ERC2: variants seen among roughly 807,000 people sequenced by gnomAD.
ERC2 encodes the protein ELKS/RAB6-interacting/CAST family member 2, also known as ERC protein 2.
A neutral mutation model predicts 114.8 loss-of-function variants in ERC2; 42 were observed. That is an observed-to-expected ratio of 0.37 (90% CI 0.29 to 0.47). The LOEUF is 0.47. Among genes scored for constraint, ERC2 ranks in the 20% least tolerant of loss-of-function variants. The pLI, the probability that ERC2 is intolerant of heterozygous loss-of-function variation, is 0.99. For missense variants in ERC2, 939 were observed against 1,150.7 expected, an observed-to-expected ratio of 0.82 and a Z score of 2.66; for synonymous variants, 454 against 425.5, an observed-to-expected ratio of 1.07 and a Z score of -0.82.
intron 6 of ERC2, among the ~76,000 whole-genome samples, chr3:56,138,160 T>C (rs754206945): frequency 9.4e-5 from 14 of 148,748 alleles, no homozygotes; most frequent in Non-Finnish European, 1.8e-4. Context: ...CCTGGGTTCA[T>C]GCCATTCTCC....
At chr3:55,543,404 T>C (rs991824907) in intron 17 of ERC2, among the ~76,000 whole-genome samples, 2 of 152,104 alleles carry the variant, frequency 1.3e-5, no homozygotes, top group African/African-American at 4.8e-5. Flanking sequence ...AAAGGAAGGC[T>C]CCCACGTGGG....
intron 6 of ERC2, among the ~76,000 whole-genome samples, chr3:56,083,510 C>T (rs1345215536): frequency 2.6e-5 from 4 of 152,064 alleles, no homozygotes; most frequent in African/African-American, 9.7e-5. Flanking sequence ...ACTCATTGAA[C>T]TGTACATTTT....
chr3:55,670,401 T>C (rs2061511714), intron 17 of ERC2, among the ~76,000 whole-genome samples: 1 of 152,200 alleles, frequency 6.6e-6, no homozygotes, highest in South Asian at 2.1e-4. Flanking sequence ...TTGTTGGCTG[T>C]CTTCACGATT....
intron 13 of ERC2, among the ~76,000 whole-genome samples, chr3:55,949,225 C>T (rs750767638): frequency 1.3e-5 from 2 of 152,016 alleles, no homozygotes; most frequent in African/African-American, 2.4e-5. Context: ...AAAAAAATAG[C>T]GGGGCATGGT....
At chr3:56,011,718 T>C (rs1354821879) in intron 8 of ERC2, among the ~76,000 whole-genome samples, 1 of 152,130 alleles carries the variant, frequency 6.6e-6, no homozygotes, top group Non-Finnish European at 1.5e-5. Context: ...ATATCTAAAC[T>C]TCCTCTCGGA....
chr3:55,624,453 A>C (rs1206481782), intron 17 of ERC2, among the ~76,000 whole-genome samples: 1 of 152,132 alleles, frequency 6.6e-6, no homozygotes, highest in Non-Finnish European at 1.5e-5. Context: ...ATGGGATGGG[A>C]AAGTTCTGAG....
chr3:55,805,724 T>C (rs1323929451), intron 14 of ERC2, among the ~76,000 whole-genome samples: 1 of 152,124 alleles, frequency 6.6e-6, no homozygotes, highest in Non-Finnish European at 1.5e-5. Flanking sequence ...ATTCTAGATT[T>C]GGAAAACCCT....
intron 2 of ERC2, among the ~76,000 whole-genome samples, chr3:56,367,873 A>T (rs1480951523): frequency 6.6e-6 from 1 of 151,724 alleles, no homozygotes; most frequent in South Asian, 2.1e-4. Flanking sequence ...GGAGTTAAAA[A>T]CAAAAACAAA....
chr3:55,693,399 A>G (rs1421047540), intron 16 of ERC2, among the ~76,000 whole-genome samples: 1 of 152,110 alleles, frequency 6.6e-6, no homozygotes, highest in African/African-American at 2.4e-5. Context: ...ACATGTTCAG[A>G]GGCTCAGGGG....
At chr3:55,801,805 A>G (rs2071078967) in intron 14 of ERC2, among the ~76,000 whole-genome samples, 1 of 152,216 alleles carries the variant, frequency 6.6e-6, no homozygotes, top group African/African-American at 2.4e-5. Flanking sequence ...ACCAAGTACA[A>G]GGCTCTTCTA....
At chr3:56,193,242 G>A (rs1246555807) in intron 3 of ERC2, among the ~76,000 whole-genome samples, 1 of 152,160 alleles carries the variant, frequency 6.6e-6, no homozygotes, top group African/African-American at 2.4e-5. Flanking sequence ...CAAACTGTGT[G>A]CTGGCTCACG....
At position 55,860,554 on chromosome 3, in the gene ERC2, C is replaced by T. The variant is rs553999939; in HGVS notation, c.2564+27835G>A. Among the ~76,000 whole-genome samples, 4 of 152,272 alleles carry T rather than the reference C, an allele frequency of 2.6e-5. No individual in the cohort carries two copies. The South Asian group carries it at 6.2e-4, about 24-fold the overall frequency. On this transcript the variant is annotated intron_variant, in intron 14 of 17. Transcript: ENST00000288221. ...CCCTCTAAACATTTACCAAGCCAGT[C>T]ACTCTGAATAAAGGCAGCTGAATTT...
At chr3:56,419,712 G>T (rs2061313830) in intron 2 of ERC2, among the ~76,000 whole-genome samples, 1 of 152,156 alleles carries the variant, frequency 6.6e-6, no homozygotes, top group African/African-American at 2.4e-5. Context: ...TTATGAAGTG[G>T]TAATATCTAG....
At chr3:56,430,328 G>T (rs2061739551) in intron 2 of ERC2, among the ~76,000 whole-genome samples, 1 of 152,070 alleles carries the variant, frequency 6.6e-6, no homozygotes, top group African/African-American at 2.4e-5. Context: ...ATGGTAAATG[G>T]TGAAAACCCT....
chr3:55,740,217 A>G (rs2065895465), intron 14 of ERC2, among the ~76,000 whole-genome samples: 1 of 152,180 alleles, frequency 6.6e-6, no homozygotes, highest in Admixed American at 6.6e-5. Flanking sequence ...ATTAGCCTTA[A>G]TTATCAAATC....
At chr3:56,449,439 G>A (rs539345537) in intron 1 of ERC2, among the ~76,000 whole-genome samples, 23 of 152,314 alleles carry the variant, frequency 1.5e-4, no homozygotes, top group African/African-American at 4.8e-4. Context: ...AAGGGAACAC[G>A]GGAGCTATGC....
chr3:55,882,496 T>C (rs542867301), intron 14 of ERC2, among the ~76,000 whole-genome samples: 1 of 152,362 alleles, frequency 6.6e-6, no homozygotes, highest in African/African-American at 2.4e-5. Context: ...GGTTCCACAT[T>C]TGTGGATTCA....
At chr3:55,706,885 A>C (rs1407346706) in intron 15 of ERC2, among the ~76,000 whole-genome samples, 1 of 152,154 alleles carries the variant, frequency 6.6e-6, no homozygotes, top group African/African-American at 2.4e-5. Flanking sequence ...CACCTTCCTT[A>C]GGGAAGTAAC....
At chr3:56,362,331 A>G (rs2058988975) in intron 2 of ERC2, among the ~76,000 whole-genome samples, 1 of 152,180 alleles carries the variant, frequency 6.6e-6, no homozygotes, top group African/African-American at 2.4e-5. Flanking sequence ...TAAGGAAAAC[A>G]CCTTTAGATT....
Sources: allele counts gnomAD v4.1 joint callset (sites outside exome capture counted in the v4.1 genomes callset), GRCh38; gene constraint gnomAD v4.1.1; transcripts MANE v1.5; gene names NCBI Gene and HGNC (gene_info 2026-07-23, HGNC 2026-07-21).